UNC5C: variants seen among roughly 807,000 people sequenced by gnomAD.
UNC5C encodes unc-5 netrin receptor C, also known as netrin receptor UNC5C.
In UNC5C, 47 loss-of-function variants were observed where a neutral mutation model predicts 99.8. That is an observed-to-expected ratio of 0.47 (90% CI 0.37 to 0.60). UNC5C has a LOEUF of 0.60. Ranked by LOEUF, UNC5C falls within the 20% of genes least tolerant of loss-of-function variation. UNC5C has a pLI of 0.00. For missense variants in UNC5C, 1,062 were observed against 1,165.9 expected (o/e 0.91, Z 1.30); for synonymous variants, 487 against 452.2 (o/e 1.08, Z -0.98).
chr4:95,354,479 A>ATATATTTTTTTTTTTTTT, intron 1 of UNC5C, among the ~76,000 whole-genome samples: 10 of 110,350 alleles, frequency 9.1e-5, no homozygotes, highest in South Asian at 2.9e-4. Context: ...ATATATATAT[A>ATATATTTTTTTTTTTTTT]TTTTTTTTTT....
chr4:95,166,374 T>C lies in UNC5C; in HGVS notation c.*2860A>G, dbSNP rs983260230. 6.6e-6 allele frequency: 1 copy of C among 152,224 alleles called. No individual in the cohort carries two copies. The highest frequency in any genetic ancestry group is 1.5e-5 in the Non-Finnish European group (1 of 68,038). 9.4% of individuals were successfully genotyped at this position (152,224 alleles called of 1,614,324 possible). A position where few individuals can be genotyped will look rare whatever the true frequency, so the allele number is the denominator to read the frequency against. ...ATAAATAGTGTATGTATGGAAGTTGTCATTCACTTAATAGGAAACATTAAG... is the reference window on the plus strand; with the variant it reads ...ATAAATAGTGTATGTATGGAAGTTGCCATTCACTTAATAGGAAACATTAAG... On this transcript the variant is annotated 3_prime_UTR_variant, in exon 16 of 16. Coordinates refer to ENST00000453304, the MANE Select transcript of UNC5C (RefSeq NM_003728.4).
chr4:95,218,401 A>C (rs1738338561), intron 9 of UNC5C, among the ~76,000 whole-genome samples: 1 of 152,222 alleles, frequency 6.6e-6, no homozygotes, highest in Admixed American at 6.5e-5. Context: ...ACAAAAGCAC[A>C]CCTGATGAAT....
chr4:95,288,614 T>A (rs916848596), intron 3 of UNC5C, among the ~76,000 whole-genome samples: 1 of 152,218 alleles, frequency 6.6e-6, no homozygotes, highest in Non-Finnish European at 1.5e-5. Context: ...CACTGAGCCA[T>A]AATCAAAGGG....
At chr4:95,275,242 C>T (rs928576557) in intron 4 of UNC5C, among the ~76,000 whole-genome samples, 2 of 152,152 alleles carry the variant, frequency 1.3e-5, no homozygotes, top group Non-Finnish European at 2.9e-5. Context: ...CAGAAGCTTC[C>T]CCTCTGCATA....
intron 1 of UNC5C, among the ~76,000 whole-genome samples, chr4:95,369,718 A>T (rs1263521736): frequency 1.3e-5 from 2 of 152,158 alleles, no homozygotes. Context: ...TCAATGGTCC[A>T]ATGTAACTGG....
chr4:95,356,221 A>C (rs1271684676), intron 1 of UNC5C, among the ~76,000 whole-genome samples: 23 of 134,736 alleles, frequency 1.7e-4, no homozygotes, highest in African/African-American at 6.8e-4. Flanking sequence ...AACAAAACAA[A>C]AAAAAAACAG....
chr4:95,209,687 T>C (rs886695418), intron 10 of UNC5C, among the ~76,000 whole-genome samples: 4 of 152,230 alleles, frequency 2.6e-5, no homozygotes, highest in Non-Finnish European at 4.4e-5. Context: ...GGTTTTCATT[T>C]TCTCTTAACC....
chr4:95,533,785 A>C (rs1205341473), intron 1 of UNC5C, among the ~76,000 whole-genome samples: 5 of 152,204 alleles, frequency 3.3e-5, no homozygotes, highest in African/African-American at 1.2e-4. Flanking sequence ...AGTTTTTGAG[A>C]GGCGTGTTTT....
intron 1 of UNC5C, among the ~76,000 whole-genome samples, chr4:95,439,589 G>A (rs1460187015): frequency 1.3e-5 from 2 of 152,086 alleles, no homozygotes; most frequent in Non-Finnish European, 2.9e-5. Flanking sequence ...GTGTTAATGT[G>A]ATAAGTTGAA....
chr4:95,167,093 G>A lies in UNC5C; in HGVS notation c.*2141C>T, dbSNP rs1330481453. 6 of 152,144 alleles carry A rather than the reference G, an allele frequency of 3.9e-5. No individual in the cohort carries two copies. The highest frequency in any genetic ancestry group is 7.3e-5 in the Non-Finnish European group (5 of 68,042). The allele number at this position is 152,144 out of a possible 1,614,324, so 9.4% of individuals were successfully genotyped here. A position where few individuals can be genotyped will look rare whatever the true frequency, so the allele number is the denominator to read the frequency against. On this transcript the variant is annotated 3_prime_UTR_variant, in exon 16 of 16. Coordinates refer to ENST00000453304, the MANE Select transcript of UNC5C (RefSeq NM_003728.4). ...GTTCCTCAGGGATGAGGATGGCGGA[G>A]GCATCAAGGAATCTCAAGATGCTAC...
rs1482629291 is a variant in UNC5C, at chr4:95,166,574, AAAT to A, written c.*2657_*2659del. On this transcript the variant is annotated 3_prime_UTR_variant, in exon 16 of 16. Coordinates refer to ENST00000453304, the MANE Select transcript of UNC5C (RefSeq NM_003728.4). Reference sequence around the variant, plus strand: ...TTCTGTGTTGGTGACTTTTTAGTCAAAATAAGTTTTTAGTAACAGTTATGGAAT... The same window carrying A: ...TTCTGTGTTGGTGACTTTTTAGTCAAAAGTTTTTAGTAACAGTTATGGAAT... The A allele has an allele frequency of 6.6e-6, 1 of 152,188 alleles. No individual in the cohort carries two copies. Among genetic ancestry groups the A allele is most frequent in the Non-Finnish European group, 1.5e-5 (1 of 68,038 alleles). The allele number at this position is 152,188 out of a possible 1,614,324, so 9.4% of individuals were successfully genotyped here. A position where few individuals can be genotyped will look rare whatever the true frequency, so the allele number is the denominator to read the frequency against.
In UNC5C at chr4:95,182,964, C is replaced by T; in HGVS notation, c.2384G>A (p.Cys795Tyr). 6.2e-7 allele frequency: 1 copy of T among 1,613,922 alleles called. No homozygotes were observed. Among genetic ancestry groups the T allele is most frequent in the East Asian group, 2.2e-5 (1 of 44,872 alleles). The change falls in exon 14 of 16, where the codon TGC becomes TAC. Residue 795 changes from cysteine to tyrosine, a missense_variant. Cys to Tyr is a radical substitution (Grantham distance 194). Around this residue, in one of 3 missense-constraint regions of UNC5C, gnomAD observed 810 missense variants for 854.5 expected, o/e 0.95. Coordinates refer to ENST00000453304, the MANE Select transcript of UNC5C (RefSeq NM_003728.4). ...TTCCACCTGCCGCACACAGAGTTTGCAAACCAGCTCCACTGTGTTCAGGCT... is the reference window on the plus strand; with the variant it reads ...TTCCACCTGCCGCACACAGAGTTTGTAAACCAGCTCCACTGTGTTCAGGCT... ...RFSLNTVELVCKLCVRQVEGE... is the reference protein window; with the variant it reads ...RFSLNTVELVYKLCVRQVEGE...
chr4:95,416,413 G>T (rs79656772), intron 1 of UNC5C, among the ~76,000 whole-genome samples: 4,610 of 152,202 alleles, frequency 0.03, 226 homozygotes, highest in African/African-American at 0.1. Flanking sequence ...GGAACAGTAG[G>T]GAGTATCTTG....
intron 1 of UNC5C, among the ~76,000 whole-genome samples, chr4:95,407,565 T>C (rs1026309428): frequency 3.3e-5 from 5 of 152,160 alleles, no homozygotes; most frequent in Non-Finnish European, 7.3e-5. Context: ...GTGTAGTTTT[T>C]CTGGAATTTT....
intron 1 of UNC5C, among the ~76,000 whole-genome samples, chr4:95,436,941 C>T (rs779938895): frequency 1.1e-4 from 17 of 149,224 alleles, no homozygotes; most frequent in Non-Finnish European, 1.9e-4. Flanking sequence ...TGCTCATAAA[C>T]TCAGAATAAA....
chr4:95,547,623 G>A (rs962044676), intron 1 of UNC5C, among the ~76,000 whole-genome samples: 2 of 152,226 alleles, frequency 1.3e-5, no homozygotes, highest in African/African-American at 4.8e-5. Flanking sequence ...CCTCGCCTGA[G>A]CCGGCTATCA....
At chr4:95,287,245 G>C (rs959510169) in intron 3 of UNC5C, among the ~76,000 whole-genome samples, 6 of 152,130 alleles carry the variant, frequency 3.9e-5, no homozygotes, top group Non-Finnish European at 8.8e-5. Flanking sequence ...ACTTTCAGAA[G>C]GAATGTTAGG....
chr4:95,538,968 G>A (rs1464977188), intron 1 of UNC5C, among the ~76,000 whole-genome samples: 2 of 152,056 alleles, frequency 1.3e-5, no homozygotes, highest in Non-Finnish European at 2.9e-5. Flanking sequence ...CACCAATATG[G>A]CATATGAGGG....
chr4:95,172,995 T>C (rs1194745447), intron 14 of UNC5C, among the ~76,000 whole-genome samples: 22 of 152,140 alleles, frequency 1.4e-4, no homozygotes, highest in Non-Finnish European at 8.8e-5. Context: ...TTATTCTCTT[T>C]GAAGCAATTG....
Sources: allele counts gnomAD v4.1 joint callset (sites outside exome capture counted in the v4.1 genomes callset), GRCh38; gene constraint gnomAD v4.1.1; regional missense constraint gnomAD v4.1.1; transcripts MANE v1.5; gene names NCBI Gene and HGNC (gene_info 2026-07-23, HGNC 2026-07-21).